The following TTC28 variants were observed in gnomAD, a reference collection of about 807,000 sequenced individuals.
TTC28 encodes tetratricopeptide repeat domain 28.
A neutral mutation model predicts 198.0 loss-of-function variants in TTC28; 61 were observed. The ratio of observed to expected loss-of-function variants is 0.31; its 90% CI spans 0.25 to 0.38. The LOEUF is 0.38. Ranked by LOEUF, TTC28 falls within the 10% of genes least tolerant of loss-of-function variation. TTC28 has a pLI of 1.00. For synonymous variants in TTC28, 1,171 were observed against 1,297.8 expected, an observed-to-expected ratio of 0.90 and a Z score of 2.10; for missense variants, 2,678 against 3,164.0, an observed-to-expected ratio of 0.85 and a Z score of 3.69.
At chr22:28,407,106 T>C (rs1389705363) in intron 2 of TTC28, among the ~76,000 whole-genome samples, 1 of 152,158 alleles carries the variant, frequency 6.6e-6, no homozygotes, top group Non-Finnish European at 1.5e-5. Flanking sequence ...TCTTAGAAGG[T>C]AAGTCTCCAA....
At chr22:28,634,371 G>C (rs1361702596) in intron 1 of TTC28, among the ~76,000 whole-genome samples, 9 of 151,848 alleles carry the variant, frequency 5.9e-5, no homozygotes, top group Non-Finnish European at 1.3e-4. Context: ...TTAGCTGGCC[G>C]TGGTGGCACG....
chr22:28,373,658 AG>A (rs2046369292), intron 2 of TTC28, among the ~76,000 whole-genome samples: 1 of 152,190 alleles, frequency 6.6e-6, no homozygotes, highest in African/African-American at 2.4e-5. Flanking sequence ...TCATTAGCTA[AG>A]AAAATATATA....
intron 5 of TTC28, among the ~76,000 whole-genome samples, chr22:28,247,801 G>A (rs1930217338): frequency 6.6e-6 from 1 of 152,194 alleles, no homozygotes; most frequent in Admixed American, 6.5e-5. Flanking sequence ...ACTAAAAGCA[G>A]TTAAGCTTTC....
chr22:28,145,191 A>C lies in TTC28; in HGVS notation c.1441+17901T>G, dbSNP rs150522468. 2.3e-3 allele frequency among the ~76,000 whole-genome samples: 354 copies of C among 152,360 alleles called. 2 individuals are homozygous for C. Among genetic ancestry groups the C allele is most frequent in the African/African-American group, 7.9e-3 (329 of 41,582 alleles). On this transcript the variant is annotated intron_variant, in intron 6 of 22. Coordinates refer to ENST00000397906, the MANE Select transcript of TTC28 (RefSeq NM_001145418.2). The stretch of plus-strand genomic sequence containing the variant: ...GAGTCATATTAATACGGCTCTAGTC[A>C]TTAAAGCGTTTTCACATTCACACTT...
Position 28,163,383 on chromosome 22 carries a change from C to T in TTC28, c.1150G>A (p.Ala384Thr), listed in dbSNP as rs1337370604. ...TCTCGCTTGTTCCCCAGGTCCTTGGCTATCTTCAGATGCTGCTCATGGCAC... is the reference window on the plus strand; with the variant it reads ...TCTCGCTTGTTCCCCAGGTCCTTGGTTATCTTCAGATGCTGCTCATGGCAC... ...VQCHEQHLKI[A>T]KDLGNKREEA... Residue 384 changes from alanine (A) to threonine (T), a missense_variant, in exon 6 of 23, where the codon GCC becomes ACC. By Grantham distance (58) the Ala-to-Thr change is moderately conservative. Transcript: ENST00000397906. 3.2e-6 allele frequency: 5 copies of T among 1,552,080 alleles called. No individual in the cohort carries two copies. The highest frequency in any genetic ancestry group is 2.0e-5 in the Admixed American group (1 of 51,008).
chr22:28,296,496 G>C (rs1418328485), intron 4 of TTC28, among the ~76,000 whole-genome samples, 168 bp from the exon 5 acceptor site: 1 of 152,180 alleles, frequency 6.6e-6, no homozygotes, highest in African/African-American at 2.4e-5. Flanking sequence ...TATGTGGGGA[G>C]TTACTGCCCT....
intron 5 of TTC28, among the ~76,000 whole-genome samples, chr22:28,241,976 G>A (rs1289291600): frequency 6.6e-6 from 1 of 151,990 alleles, no homozygotes; most frequent in Non-Finnish European, 1.5e-5. Context: ...TAAAGAGATG[G>A]CCAAAAAAAG....
At chr22:28,049,055 C>T (rs1415485853) in intron 12 of TTC28, among the ~76,000 whole-genome samples, 1 of 152,130 alleles carries the variant, frequency 6.6e-6, no homozygotes, top group African/African-American at 2.4e-5. Context: ...CCATCTTTGC[C>T]CCTGATTGCA....
intron 2 of TTC28, among the ~76,000 whole-genome samples, chr22:28,512,218 G>A (rs910725925): frequency 6.6e-6 from 1 of 152,048 alleles, no homozygotes; most frequent in Non-Finnish European, 1.5e-5. Context: ...GATCATTAGA[G>A]ATATGCAAAT....
chr22:28,060,056 C>T (rs1940456042), intron 12 of TTC28, among the ~76,000 whole-genome samples: 1 of 151,762 alleles, frequency 6.6e-6, no homozygotes. Flanking sequence ...ATTGAAAGAA[C>T]TAATATTTAA....
At chr22:28,571,190 A>G (rs1002246942) in intron 2 of TTC28, among the ~76,000 whole-genome samples, 2 of 152,204 alleles carry the variant, frequency 1.3e-5, no homozygotes, top group Admixed American at 6.6e-5. Context: ...ACAGTTGCCA[A>G]ATTAAGCAAA....
At chr22:28,365,275 T>C (rs936519862) in intron 2 of TTC28, among the ~76,000 whole-genome samples, 1 of 152,232 alleles carries the variant, frequency 6.6e-6, no homozygotes, top group African/African-American at 2.4e-5. Flanking sequence ...TAGACTACAT[T>C]ACAGTGTAAA....
chr22:28,631,698 T>A (rs575691671), intron 1 of TTC28, among the ~76,000 whole-genome samples: 2 of 151,984 alleles, frequency 1.3e-5, no homozygotes, highest in African/African-American at 2.4e-5. Flanking sequence ...CTGATTTTTT[T>A]ATTATTTTGT....
At chr22:28,492,612 G>C (rs1278790296) in intron 2 of TTC28, among the ~76,000 whole-genome samples, 1 of 152,166 alleles carries the variant, frequency 6.6e-6, no homozygotes, top group Non-Finnish European at 1.5e-5. Flanking sequence ...ATTCAAGAAA[G>C]TTAAGTCAAA....
intron 2 of TTC28, among the ~76,000 whole-genome samples, chr22:28,344,282 C>A (rs1008026301): frequency 1.3e-4 from 19 of 151,886 alleles, no homozygotes; most frequent in African/African-American, 4.4e-4. Context: ...AAAATCCCAG[C>A]AAATTCAACA....
At chr22:28,575,991 T>C (rs2050142065) in intron 2 of TTC28, among the ~76,000 whole-genome samples, 1 of 152,158 alleles carries the variant, frequency 6.6e-6, no homozygotes, top group African/African-American at 2.4e-5. Flanking sequence ...TGCTTTTTAT[T>C]TCTTTCTCTT....
At chr22:28,088,119 A>G (rs1426798785) in intron 12 of TTC28, among the ~76,000 whole-genome samples, 1 of 152,178 alleles carries the variant, frequency 6.6e-6, no homozygotes, top group South Asian at 2.1e-4. Context: ...TGCCATCCCC[A>G]TCAAGCTACC....
intron 5 of TTC28, among the ~76,000 whole-genome samples, chr22:28,177,086 C>G (rs889377163): frequency 4.6e-5 from 7 of 152,008 alleles, no homozygotes; most frequent in African/African-American, 1.7e-4. Context: ...AATGAAAAGT[C>G]AAGTCACAGA....
intron 2 of TTC28, among the ~76,000 whole-genome samples, chr22:28,521,009 G>A (rs1272547531): frequency 6.6e-6 from 1 of 151,910 alleles, no homozygotes; most frequent in African/African-American, 2.4e-5. Flanking sequence ...GCCAAAATGT[G>A]CCGCTGCACT....
Sources: allele counts gnomAD v4.1 joint callset (sites outside exome capture counted in the v4.1 genomes callset), GRCh38; gene constraint gnomAD v4.1.1; transcripts MANE v1.5; gene names NCBI Gene and HGNC (gene_info 2026-07-23, HGNC 2026-07-21).